NRG3: variants seen among roughly 807,000 people sequenced by gnomAD.
NRG3 encodes the protein pro-neuregulin-3, membrane-bound isoform.
In NRG3, 31 loss-of-function variants were observed where a neutral mutation model predicts 66.9. That is an observed-to-expected ratio of 0.46 (90% CI 0.35 to 0.63). The LOEUF (loss-of-function observed/expected upper bound fraction) is 0.63, where lower values mean the gene tolerates loss of function less well. NRG3 is among the 20% of genes least tolerant of loss of function. NRG3 has a pLI of 0.00. For synonymous variants in NRG3, 393 were observed against 359.4 expected (o/e 1.09, Z -1.06); for missense variants, 910 against 878.9 (o/e 1.04, Z -0.45).
At chr10:82,888,714 A>G (rs1019836562) in intron 4 of NRG3, among the ~76,000 whole-genome samples, 2 of 152,218 alleles carry the variant, frequency 1.3e-5, no homozygotes, top group East Asian at 1.9e-4. Flanking sequence ...AAGACAAAGA[A>G]GTGAAATATG....
intron 2 of NRG3, among the ~76,000 whole-genome samples, chr10:82,491,293 A>AATATATATATATATATACATATAT (rs1554942718): frequency 1.2e-5 from 1 of 82,188 alleles, no homozygotes; most frequent in Non-Finnish European, 2.8e-5. Flanking sequence ...GTTCCCATAA[A>AATATATATATATATATACATATAT]ATATATATAT....
intron 1 of NRG3, among the ~76,000 whole-genome samples, chr10:82,286,277 G>A (rs1256467757): frequency 6.6e-6 from 1 of 152,126 alleles, no homozygotes; most frequent in African/African-American, 2.4e-5. Flanking sequence ...TGAAAAAGTA[G>A]CAACTATAGA....
chr10:81,963,425 G>A (rs1460542787), intron 1 of NRG3, among the ~76,000 whole-genome samples: 1 of 146,878 alleles, frequency 6.8e-6, no homozygotes, highest in Non-Finnish European at 1.5e-5. Flanking sequence ...GAGCCACCGC[G>A]CCCGGCCCAC....
chr10:82,907,824 G>A (rs750689386), intron 4 of NRG3, among the ~76,000 whole-genome samples: 5 of 152,166 alleles, frequency 3.3e-5, no homozygotes, highest in African/African-American at 4.8e-5. Context: ...TTGAGGATGT[G>A]AAGTCTACAT....
intron 1 of NRG3, among the ~76,000 whole-genome samples, chr10:81,977,023 A>G (rs1437144538): frequency 6.6e-6 from 1 of 152,230 alleles, no homozygotes; most frequent in Non-Finnish European, 1.5e-5. Context: ...GAAGTTTAGC[A>G]CAAATACAAC....
chr10:81,895,529 A>G (rs1160288580), intron 1 of NRG3, among the ~76,000 whole-genome samples: 1 of 152,166 alleles, frequency 6.6e-6, no homozygotes, highest in Non-Finnish European at 1.5e-5. Context: ...TGCTATTACC[A>G]TCTTAATTAG....
At chr10:82,866,512 A>G (rs1840754814) in intron 4 of NRG3, among the ~76,000 whole-genome samples, 1 of 152,148 alleles carries the variant, frequency 6.6e-6, no homozygotes, top group Non-Finnish European at 1.5e-5. Flanking sequence ...ATTACTCATT[A>G]TTGCTCCATT....
intron 1 of NRG3, among the ~76,000 whole-genome samples, chr10:82,149,882 C>T (rs2070570202): frequency 1.3e-5 from 2 of 152,118 alleles, no homozygotes; most frequent in African/African-American, 4.8e-5. Context: ...ATTCAGTTTT[C>T]TTGGGGTGGA....
chr10:82,750,089 A>C (rs2134922555), intron 3 of NRG3, among the ~76,000 whole-genome samples: 1 of 152,336 alleles, frequency 6.6e-6, no homozygotes, highest in Admixed American at 6.5e-5. Context: ...AAATGAATCT[A>C]TTTATTTACA....
At chr10:82,163,354 T>G (rs2071756183) in intron 1 of NRG3, among the ~76,000 whole-genome samples, 1 of 152,170 alleles carries the variant, frequency 6.6e-6, no homozygotes. Context: ...ATATATGAAC[T>G]TTTCATTCCT....
intron 1 of NRG3, among the ~76,000 whole-genome samples, chr10:81,997,760 A>G (rs1361605426): frequency 1.3e-5 from 2 of 151,756 alleles, no homozygotes; most frequent in African/African-American, 2.4e-5. Context: ...ATTAAGTGCC[A>G]TTGCTCTCTC....
At chr10:82,875,881 G>A (rs1841777480) in intron 4 of NRG3, among the ~76,000 whole-genome samples, 1 of 152,200 alleles carries the variant, frequency 6.6e-6, no homozygotes, top group African/African-American at 2.4e-5. Flanking sequence ...ATTGGGAGAA[G>A]TAAAAGTGTT....
chr10:82,815,641 T>G (rs1591610065), intron 3 of NRG3, among the ~76,000 whole-genome samples: 1 of 152,104 alleles, frequency 6.6e-6, no homozygotes, highest in East Asian at 1.9e-4. Context: ...TGTCATGGGA[T>G]CCTCCAGGTG....
chr10:82,487,248 A>G (rs1227530318), intron 2 of NRG3, among the ~76,000 whole-genome samples: 1 of 151,992 alleles, frequency 6.6e-6, no homozygotes, highest in Non-Finnish European at 1.5e-5. Context: ...AAGTCAGTAT[A>G]AAAGCCAGAT....
At chr10:82,040,367 A>G (rs886147976) in intron 1 of NRG3, among the ~76,000 whole-genome samples, 3 of 151,730 alleles carry the variant, frequency 2.0e-5, no homozygotes, top group Non-Finnish European at 2.9e-5. Context: ...ACATATATAC[A>G]TATATATACA....
At chr10:82,017,737 C>T (rs2061851310) in intron 1 of NRG3, among the ~76,000 whole-genome samples, 1 of 152,192 alleles carries the variant, frequency 6.6e-6, no homozygotes, top group African/African-American at 2.4e-5. Flanking sequence ...TAAATGTCTT[C>T]TTTTGAGAAG....
chr10:82,843,675 G>A (rs958202101), intron 3 of NRG3, among the ~76,000 whole-genome samples: 1 of 152,102 alleles, frequency 6.6e-6, no homozygotes, highest in African/African-American at 2.4e-5. Context: ...GCTATCTACT[G>A]TTTAAAAGAA....
At chr10:82,041,012 G>A (rs2063009535) in intron 1 of NRG3, among the ~76,000 whole-genome samples, 1 of 152,032 alleles carries the variant, frequency 6.6e-6, no homozygotes, top group South Asian at 2.1e-4. Context: ...TTGCATATCA[G>A]CTGATTTTAG....
At chr10:82,149,504 T>G (rs1455084968) in intron 1 of NRG3, among the ~76,000 whole-genome samples, 6 of 152,186 alleles carry the variant, frequency 3.9e-5, no homozygotes, top group Non-Finnish European at 8.8e-5. Flanking sequence ...TTTTATGTAC[T>G]TGTAATCGGA....
Sources: allele counts gnomAD v4.1 joint callset (sites outside exome capture counted in the v4.1 genomes callset), GRCh38; gene constraint gnomAD v4.1.1; transcripts MANE v1.5; gene names NCBI Gene and HGNC (gene_info 2026-07-23, HGNC 2026-07-21).